The following TENM4 variants were observed in gnomAD, a reference collection of about 807,000 sequenced individuals.
The protein encoded by TENM4 is teneurin transmembrane protein 4, also known as teneurin-4.
TENM4 carries 82 observed loss-of-function variants against 243.3 expected under a neutral mutation model. That is an observed-to-expected ratio of 0.34 (90% CI 0.28 to 0.40). The LOEUF (loss-of-function observed/expected upper bound fraction) is 0.40. Ranked by LOEUF, TENM4 falls within the 10% of genes least tolerant of loss-of-function variation. The pLI, the probability that TENM4 is intolerant of heterozygous loss-of-function variation, is 1.00. For missense variants in TENM4, 3,138 were observed against 3,673.3 expected (o/e 0.85, Z 3.77); for synonymous variants, 1,412 against 1,456.3 (o/e 0.97, Z 0.69).
intron 1 of TENM4, among the ~76,000 whole-genome samples, chr11:79,434,727 C>A (rs1859235770): frequency 6.6e-6 from 1 of 152,134 alleles, no homozygotes. Flanking sequence ...AAATAAATAG[C>A]CATATTCTGG....
At position 79,413,251 on chromosome 11, in the gene TENM4, C is replaced by A. The variant is rs1316909574; in HGVS notation, c.-321+27258G>T. Among the ~76,000 whole-genome samples, 3 of 152,206 alleles carry A rather than the reference C, an allele frequency of 2.0e-5. No individual in the cohort carries two copies. In the East Asian group the frequency reaches 5.8e-4, roughly 29 times the overall value. On this transcript the variant is annotated intron_variant, in intron 1 of 33. Transcript: ENST00000278550. The stretch of plus-strand genomic sequence containing the variant: ...CACATAGGATTCCCAAATCTCCCAG[C>A]AATTGTCCCCAGTTCCCAAGGTGTC...
intron 3 of TENM4, among the ~76,000 whole-genome samples, chr11:79,170,625 C>A (rs1460833727): frequency 6.6e-6 from 1 of 152,098 alleles, no homozygotes; most frequent in African/African-American, 2.4e-5. Flanking sequence ...CTGGGGGATG[C>A]CTCTATATAC....
chr11:79,039,638 T>C (rs959185988), intron 6 of TENM4, among the ~76,000 whole-genome samples: 1 of 152,020 alleles, frequency 6.6e-6, no homozygotes, highest in African/African-American at 2.4e-5. Context: ...ACTTAAGACA[T>C]CTATAATAAG....
chr11:78,845,541 AC>A (rs1345567401), intron 12 of TENM4, among the ~76,000 whole-genome samples: 1 of 152,140 alleles, frequency 6.6e-6, no homozygotes, highest in Non-Finnish European at 1.5e-5. Flanking sequence ...TCAACTATCG[AC>A]CACCAGTGCC....
chr11:79,077,152 A>C (rs964419060), intron 4 of TENM4, among the ~76,000 whole-genome samples: 1 of 152,052 alleles, frequency 6.6e-6, no homozygotes, highest in Non-Finnish European at 1.5e-5. Context: ...TCCTCCCCGA[A>C]CTCCCAGTTC....
At chr11:79,066,726 A>ACACGCGCACG (rs1044895093) in intron 5 of TENM4, among the ~76,000 whole-genome samples, 1 of 80,224 alleles carries the variant, frequency 1.2e-5, no homozygotes, top group Non-Finnish European at 2.7e-5. Flanking sequence ...ACTCGAGCAC[A>ACACGCGCACG]CACGCGCACG....
At chr11:78,944,095 A>C (rs533842834) in intron 6 of TENM4, among the ~76,000 whole-genome samples, 1 of 152,290 alleles carries the variant, frequency 6.6e-6, no homozygotes, top group African/African-American at 2.4e-5. Flanking sequence ...AGATAAGCAA[A>C]GTGAGGGCCA....
At chr11:78,908,363 C>T (rs1844672454) in intron 6 of TENM4, among the ~76,000 whole-genome samples, 2 of 152,182 alleles carry the variant, frequency 1.3e-5, no homozygotes, top group African/African-American at 2.4e-5. Context: ...TACTTAGCAC[C>T]ATGCTTGGAA....
intron 6 of TENM4, among the ~76,000 whole-genome samples, chr11:78,991,982 G>T (rs996627409): frequency 6.6e-6 from 1 of 152,172 alleles, no homozygotes; most frequent in Non-Finnish European, 1.5e-5. Context: ...AAGCTATAAG[G>T]CTGGGACAAC....
chr11:79,131,717 G>A (rs1862006647), intron 4 of TENM4, among the ~76,000 whole-genome samples: 1 of 152,172 alleles, frequency 6.6e-6, no homozygotes, highest in Admixed American at 6.5e-5. Context: ...GAATGTAAAT[G>A]GCCTAAATGC....
chr11:79,430,047 C>T (rs1250983040), intron 1 of TENM4, among the ~76,000 whole-genome samples: 11 of 151,906 alleles, frequency 7.2e-5, no homozygotes, highest in Non-Finnish European at 1.5e-4. Flanking sequence ...GGGAGGAGAC[C>T]TTGTTTCAAG....
intron 19 of TENM4, among the ~76,000 whole-genome samples, chr11:78,740,299 G>C (rs1377420615): frequency 6.6e-6 from 1 of 152,148 alleles, no homozygotes; most frequent in Non-Finnish European, 1.5e-5. Context: ...GGTCTCACTA[G>C]TGTCAGCTTG....
intron 2 of TENM4, among the ~76,000 whole-genome samples, chr11:79,221,853 C>T (rs1405953722): frequency 6.6e-6 from 1 of 152,038 alleles, no homozygotes; most frequent in Non-Finnish European, 1.5e-5. Flanking sequence ...TTTACACGTC[C>T]TCTGTGGGTC....
chr11:79,375,613 T>C (rs1489493489), intron 1 of TENM4, among the ~76,000 whole-genome samples: 5 of 152,220 alleles, frequency 3.3e-5, no homozygotes, highest in African/African-American at 1.2e-4. Context: ...ACTCAACATA[T>C]ATCTAACACA....
At chr11:78,786,415 A>C (rs1157184330) in intron 16 of TENM4, among the ~76,000 whole-genome samples, 2 of 152,260 alleles carry the variant, frequency 1.3e-5, no homozygotes, top group Non-Finnish European at 2.9e-5. Context: ...CCATCCCAGC[A>C]AGATAATGCA....
intron 1 of TENM4, among the ~76,000 whole-genome samples, chr11:79,348,314 T>C (rs1018664012): frequency 6.6e-6 from 1 of 152,132 alleles, no homozygotes; most frequent in Non-Finnish European, 1.5e-5. Flanking sequence ...GTGGCACTCA[T>C]AGCAAACACC....
chr11:79,270,036 T>C (rs575976352), intron 2 of TENM4, among the ~76,000 whole-genome samples: 2 of 152,216 alleles, frequency 1.3e-5, no homozygotes, highest in Non-Finnish European at 2.9e-5. Context: ...CAGGCCTGCA[T>C]GCAGCCCCAC....
intron 1 of TENM4, among the ~76,000 whole-genome samples, chr11:79,414,354 C>G (rs549837943): frequency 1.3e-5 from 2 of 152,346 alleles, no homozygotes. Flanking sequence ...TGAGAAGCCA[C>G]TGAACTAACC....
intron 15 of TENM4, among the ~76,000 whole-genome samples, chr11:78,800,068 G>A (rs1284183773): frequency 1.3e-5 from 2 of 152,158 alleles, no homozygotes; most frequent in Non-Finnish European, 2.9e-5. Context: ...ATGCCACAGA[G>A]GCTAAAATCT....
Sources: gnomAD v4.1 joint callset for allele counts (sites outside exome capture counted in the v4.1 genomes callset) on GRCh38, gnomAD v4.1.1 for gene constraint, MANE v1.5 for transcripts, NCBI Gene and HGNC (gene_info 2026-07-23, HGNC 2026-07-21) for gene names.